The following GPC5 variants were observed in gnomAD, a reference collection of about 807,000 sequenced individuals.
GPC5 encodes the protein glypican 5.
Under a neutral mutation model 53.9 loss-of-function variants are expected in GPC5, and 47 were observed. The observed-to-expected ratio is 0.87, with a 90% CI of 0.69 to 1.11. GPC5 has a LOEUF of 1.11. Among genes scored for constraint, GPC5 ranks in the 50% most tolerant of loss-of-function variants. GPC5 has a pLI of 0.00. For missense variants in GPC5, 748 were observed against 713.1 expected, an observed-to-expected ratio of 1.05 and a Z score of -0.56; for synonymous variants, 286 against 263.3, an observed-to-expected ratio of 1.09 and a Z score of -0.84.
intron 7 of GPC5, among the ~76,000 whole-genome samples, chr13:92,249,876 C>T (rs1566504097): frequency 6.6e-6 from 1 of 152,030 alleles, no homozygotes; most frequent in African/African-American, 2.4e-5. Flanking sequence ...TATCCATTTA[C>T]CTCTCTTAGT....
Position 91,591,913 on chromosome 13 carries a change from C to T in GPC5, c.326-101274C>T, listed in dbSNP as rs74721222. ...AATCTTTATGAGCTTCCTTGCCATT[C>T]AGATTCTGAATTGTATATCTGTCAT... On this transcript the variant is annotated intron_variant, in intron 2 of 7. Transcript: ENST00000377067. Among the ~76,000 whole-genome samples the T allele has an allele frequency of 6.3e-3, 965 of 152,298 alleles. 13 individuals are homozygous for T. Among genetic ancestry groups the T allele is most frequent in the African/African-American group, 0.022 (920 of 41,574 alleles).
chr13:92,613,379 ATTAT>A (rs1884523721), intron 7 of GPC5, among the ~76,000 whole-genome samples: 1 of 72,386 alleles, frequency 1.4e-5, no homozygotes, highest in Non-Finnish European at 2.4e-5. Context: ...ATATAAATAT[ATTAT>A]ATTATATATA....
chr13:91,534,651 T>G (rs1475041794), intron 2 of GPC5, among the ~76,000 whole-genome samples: 1 of 152,226 alleles, frequency 6.6e-6, no homozygotes, highest in African/African-American at 2.4e-5. Flanking sequence ...TGAAGACTAC[T>G]TTAAAATTGG....
At chr13:92,023,479 T>C (rs1455606740) in intron 6 of GPC5, among the ~76,000 whole-genome samples, 3 of 152,060 alleles carry the variant, frequency 2.0e-5, no homozygotes, top group Non-Finnish European at 4.4e-5. Context: ...TAAATGAACT[T>C]GAACATTTTA....
chr13:92,146,913 G>C (rs1181001822), intron 7 of GPC5, among the ~76,000 whole-genome samples: 4 of 151,916 alleles, frequency 2.6e-5, no homozygotes, highest in African/African-American at 9.7e-5. Context: ...CTCATTGATT[G>C]ATGGGCATTT....
At chr13:92,691,044 G>C (rs1887369543) in intron 7 of GPC5, among the ~76,000 whole-genome samples, 1 of 80,916 alleles carries the variant, frequency 1.2e-5, no homozygotes, top group Non-Finnish European at 2.3e-5. Flanking sequence ...TGCCCCCAGA[G>C]GTGGAGCCTA....
intron 6 of GPC5, among the ~76,000 whole-genome samples, chr13:92,107,566 A>G (rs537007710): frequency 7.6e-4 from 115 of 152,176 alleles, no homozygotes; most frequent in African/African-American, 2.7e-3. Context: ...TTAGTCTTAG[A>G]CTTGATAGTT....
intron 6 of GPC5, among the ~76,000 whole-genome samples, chr13:92,020,303 C>T (rs963985331): frequency 6.6e-5 from 10 of 152,076 alleles, no homozygotes; most frequent in African/African-American, 2.4e-4. Context: ...CATAACCTAC[C>T]ACATTCACAG....
chr13:92,798,330 GTTACAC>G (rs1876779636), intron 7 of GPC5, among the ~76,000 whole-genome samples: 1 of 151,880 alleles, frequency 6.6e-6, no homozygotes, highest in Non-Finnish European at 1.5e-5. Context: ...GTAAAGGGCA[GTTACAC>G]TTACTGCTGT....
In GPC5 at chr13:91,600,730, A is replaced by C. The variant is rs145670033; in HGVS notation, c.326-92457A>C. Among the ~76,000 whole-genome samples the C allele has an allele frequency of 7.9e-4, 121 of 152,250 alleles. 2 individuals carry two copies. In the East Asian group the frequency reaches 0.022, roughly 27 times the overall value. The stretch of plus-strand genomic sequence containing the variant: ...ATAATTCTTATAGCAAACCCATTAA[A>C]ATAATGCATATAATGCATCAGATTG... On this transcript the variant is annotated intron_variant, in intron 2 of 7. Transcript: ENST00000377067.
At position 92,611,527 on chromosome 13, in the gene GPC5, C is replaced by T. The variant is rs138326015; in HGVS notation, c.1562-254755C>T. Among the ~76,000 whole-genome samples the T allele has an allele frequency of 9.1e-3, 1,393 of 152,252 alleles. 6 individuals carry two copies. Among genetic ancestry groups the T allele is most frequent in the South Asian group, 0.018 (89 of 4,828 alleles). The stretch of plus-strand genomic sequence containing the variant: ...ATTTTCTCTGATGAAAATTCACCTT[C>T]AAAAATCTATAGTTTTGTTGTCAAA... On this transcript the variant is annotated intron_variant, in intron 7 of 7. Coordinates refer to ENST00000377067, the MANE Select transcript of GPC5 (RefSeq NM_004466.6).
chr13:92,160,938 C>A (rs73620881), intron 7 of GPC5, among the ~76,000 whole-genome samples: 1,821 of 152,142 alleles, frequency 0.012, 52 homozygotes, highest in African/African-American at 0.041. Flanking sequence ...AGCGTCTCTT[C>A]AACATCCTGC....
intron 5 of GPC5, among the ~76,000 whole-genome samples, chr13:91,864,761 T>C (rs1282231652): frequency 6.6e-6 from 1 of 152,126 alleles, no homozygotes; most frequent in Non-Finnish European, 1.5e-5. Flanking sequence ...AGTTTTCAAG[T>C]TAAGTAATTC....
intron 2 of GPC5, among the ~76,000 whole-genome samples, chr13:91,597,194 T>A (rs145199554): frequency 6.6e-6 from 1 of 152,318 alleles, no homozygotes; most frequent in East Asian, 1.9e-4. Context: ...CCATATTTTG[T>A]TATCTTTTAT....
chr13:91,521,656 A>G (rs1885822843), intron 2 of GPC5, among the ~76,000 whole-genome samples: 2 of 152,228 alleles, frequency 1.3e-5, no homozygotes, highest in Admixed American at 1.3e-4. Flanking sequence ...CAACAGAAGA[A>G]TTCTGCGATG....
At chr13:91,596,311 T>G (rs1267272180) in intron 2 of GPC5, among the ~76,000 whole-genome samples, 1 of 152,222 alleles carries the variant, frequency 6.6e-6, no homozygotes, top group East Asian at 1.9e-4. Context: ...TATGTTTATC[T>G]CTGCCTTTAA....
Position 92,689,555 on chromosome 13 carries a change from A to G in GPC5, c.1562-176727A>G, listed in dbSNP as rs1321418421. Among the ~76,000 whole-genome samples the G allele has an allele frequency of 8.3e-3, 621 of 74,374 alleles. 2 individuals are homozygous for G. Among genetic ancestry groups the G allele is most frequent in the Non-Finnish European group, 0.014 (517 of 36,626 alleles). 48.8% of individuals were successfully genotyped at this position (74,374 alleles called of 152,430 possible). A position where few individuals can be genotyped will look rare whatever the true frequency, so the allele number is the denominator to read the frequency against. ...TCTGTGTCTTTTAATTGCAGAATTT[A>G]GTCCATTTATATTTAAAGTTAATAT... On this transcript the variant is annotated intron_variant, in intron 7 of 7. Transcript: ENST00000377067.
chr13:92,416,699 C>T (rs541355168), intron 7 of GPC5, among the ~76,000 whole-genome samples: 1 of 151,820 alleles, frequency 6.6e-6, no homozygotes, highest in Non-Finnish European at 1.5e-5. Flanking sequence ...AGCACAAGTT[C>T]CAAAATGAAA....
At chr13:92,381,860 T>TTATATATATC (rs2043743893) in intron 7 of GPC5, among the ~76,000 whole-genome samples, 2 of 62,716 alleles carry the variant, frequency 3.2e-5, no homozygotes, top group Non-Finnish European at 7.3e-5. Flanking sequence ...CATATATGAT[T>TTATATATATC]ATATATATCA....
Sources: allele counts gnomAD v4.1 joint callset (sites outside exome capture counted in the v4.1 genomes callset), GRCh38; gene constraint gnomAD v4.1.1; transcripts MANE v1.5; gene names NCBI Gene and HGNC (gene_info 2026-07-23, HGNC 2026-07-21).